STAT1: variants seen among roughly 807,000 people sequenced by gnomAD.
STAT1 encodes signal transducer and activator of transcription 1-alpha/beta.
Under a neutral mutation model 111.7 loss-of-function variants are expected in STAT1, and 24 were observed. The ratio of observed to expected loss-of-function variants is 0.21; its 90% CI spans 0.16 to 0.30. The LOEUF (loss-of-function observed/expected upper bound fraction) is 0.30. Among genes scored for constraint, STAT1 ranks in the 10% least tolerant of loss-of-function variants. The probability of loss-of-function intolerance (pLI) is 1.00; values close to 1 mark genes in which losing one functional copy is unlikely to be tolerated. For synonymous variants in STAT1, 332 were observed against 326.5 expected (o/e 1.02, Z -0.18); for missense variants, 351 against 911.9 (o/e 0.38, Z 7.92).
rs1292291370 is a variant in STAT1, at chr2:191,000,413, T to C, written c.462+661A>G. On this transcript the variant is annotated intron_variant, in intron 6 of 24. Transcript: ENST00000361099. This position sits in a 1 kb window ranked among gnomAD's most constrained non-coding sequence, Gnocchi z 4.8. ...GTCTGAAGCATGTAAGTCAAGGCCA[T>C]ACTGCTATTACCCAGAGATCCACAG... is the stretch of plus-strand genomic sequence containing the variant. Among the ~76,000 whole-genome samples the C allele has an allele frequency of 6.6e-6, 1 of 152,166 alleles. No individual in the cohort carries two copies. The highest frequency in any genetic ancestry group is 1.5e-5 in the Non-Finnish European group (1 of 68,024).
At position 190,989,165 on chromosome 2, in the gene STAT1, G is replaced by C. The variant is rs4853536; in HGVS notation, c.1097+450C>G. ...AGAATCATGGCAGCCTGGACGTTCA[G>C]CCTCGGGTTGGATCAGGGGCCTCTC... is the stretch of plus-strand genomic sequence containing the variant. On this transcript the variant is annotated intron_variant, in intron 12 of 24. Coordinates refer to ENST00000361099, the MANE Select transcript of STAT1 (RefSeq NM_007315.4). The surrounding 1 kb of genome is among the most constrained non-coding windows in gnomAD (Gnocchi z 5.0). Among the ~76,000 whole-genome samples the C allele has an allele frequency of 0.052, 7,917 of 152,332 alleles. 380 individuals carry two copies. Among genetic ancestry groups the C allele is most frequent in the Admixed American group, 0.12 (1,886 of 15,306 alleles).
intron 2 of STAT1, chr2:191,010,301 G>A: frequency 2.1e-6 from 1 of 487,040 alleles, no homozygotes; most frequent in South Asian, 1.6e-5. Flanking sequence ...TCCCACCCTG[G>A]AAACATGCTC....
In STAT1 at chr2:190,969,224, GT is replaced by G. The variant is rs1241131631; in HGVS notation, c.*1478del. ...AATTGTAAAATCAACTGAAACTTAG[GT>G]TCTCGCCATCTATATAAAAACTGAG... On this transcript the variant is annotated 3_prime_UTR_variant, in exon 25 of 25. Transcript: ENST00000361099. 3 of 152,064 alleles carry G rather than the reference GT, an allele frequency of 2.0e-5. No individual in the cohort carries two copies. Among genetic ancestry groups the G allele is most frequent in the Non-Finnish European group, 4.4e-5 (3 of 67,992 alleles). 9.4% of individuals were successfully genotyped at this position (152,064 alleles called of 1,614,324 possible). A position where few individuals can be genotyped will look rare whatever the true frequency, so the allele number is the denominator to read the frequency against.
At position 191,004,000 on chromosome 2, in the gene STAT1, T is replaced by C. The variant is rs1025266707; in HGVS notation, c.373-2837A>G. ...CCCAGCTTCTACATCCCCTTTCTAC[T>C]GACTTGCTGGGAGATGCTTGGTGGA... On this transcript the variant is annotated intron_variant, in intron 5 of 24. Transcript: ENST00000361099. The surrounding 1 kb of genome is among the most constrained non-coding windows in gnomAD (Gnocchi z 4.0). Among the ~76,000 whole-genome samples the C allele has an allele frequency of 2.6e-5, 4 of 152,194 alleles. No homozygotes were observed. The highest frequency in any genetic ancestry group is 5.9e-5 in the Non-Finnish European group (4 of 68,040).
At chr2:191,013,192 G>A (rs1695275497) in intron 2 of STAT1, among the ~76,000 whole-genome samples, 1 of 152,230 alleles carries the variant, frequency 6.6e-6, no homozygotes, top group African/African-American at 2.4e-5. Context: ...TCTCACAAGT[G>A]TGAGTCCAGC....
chr2:191,011,626 T>A, intron 2 of STAT1, among the ~76,000 whole-genome samples: 1 of 152,208 alleles, frequency 6.6e-6, no homozygotes, highest in Middle Eastern at 3.4e-3. Context: ...AATTCCCATG[T>A]GTTAAGGGCG....
chr2:190,998,618 C>T lies in STAT1; in HGVS notation c.542-310G>A, dbSNP rs141186747. Among the ~76,000 whole-genome samples the T allele has an allele frequency of 2.9e-4, 43 of 150,798 alleles. No homozygotes were observed. The East Asian group carries it at 7.2e-3, about 25-fold the overall frequency. On this transcript the variant is annotated intron_variant, in intron 7 of 24. Coordinates refer to ENST00000361099, the MANE Select transcript of STAT1 (RefSeq NM_007315.4). This position sits in a 1 kb window ranked among gnomAD's most constrained non-coding sequence, Gnocchi z 4.1. Reference sequence around the variant, plus strand: ...CGGAGCTTGGAGTGAGCCGAGATCTCGCCACTGCACTCTAGCCTGGGCGAC... The same window carrying T: ...CGGAGCTTGGAGTGAGCCGAGATCTTGCCACTGCACTCTAGCCTGGGCGAC...
chr2:191,009,498 T>C (rs1262001271), intron 3 of STAT1, among the ~76,000 whole-genome samples: 17 of 152,230 alleles, frequency 1.1e-4, no homozygotes, highest in Admixed American at 1.1e-3. Context: ...ACCTTCTTCA[T>C]ATTTCTAATC....
rs1023933437 is a variant in STAT1 at position 190,986,587 on chromosome 2, G to A, written c.1221+267C>T. 6.6e-6 allele frequency among the ~76,000 whole-genome samples: 1 copy of A among 152,214 alleles called. No individual in the cohort carries two copies. The highest frequency in any genetic ancestry group is 2.4e-5 in the African/African-American group (1 of 41,446). ...AGTGACCGTGGGGATCATGCAGGCA[G>A]CAAGTGCAAATCATTTACGTAAACA... On this transcript the variant is annotated intron_variant, in intron 14 of 24. Transcript: ENST00000361099. This position sits in a 1 kb window ranked among gnomAD's most constrained non-coding sequence, Gnocchi z 5.0.
rs1043037945 is a variant in STAT1 at position 190,998,605 on chromosome 2, T to G, written c.542-297A>C. ...TGAACCCGGGAGGCGGAGCTTGGAG[T>G]GAGCCGAGATCTCGCCACTGCACTC... On this transcript the variant is annotated intron_variant, in intron 7 of 24. Transcript: ENST00000361099. This position sits in a 1 kb window ranked among gnomAD's most constrained non-coding sequence, Gnocchi z 4.1. Among the ~76,000 whole-genome samples the G allele has an allele frequency of 2.7e-5, 4 of 150,184 alleles. No individual in the cohort carries two copies. Among genetic ancestry groups the G allele is most frequent in the Admixed American group, 6.6e-5 (1 of 15,054 alleles).
chr2:190,974,726 G>A lies in STAT1; in HGVS notation c.2238+104C>T. The A allele has an allele frequency of 9.6e-7, 1 of 1,038,212 alleles. No homozygotes were observed. The highest frequency in any genetic ancestry group is 1.5e-6 in the Non-Finnish European group (1 of 666,726). The allele number at this position is 1,038,212 out of a possible 1,614,324, so 64.3% of individuals were successfully genotyped here. A position where few individuals can be genotyped will look rare whatever the true frequency, so the allele number is the denominator to read the frequency against. On this transcript the variant is annotated intron_variant, in intron 24 of 24. Transcript: ENST00000361099. The surrounding 1 kb of genome is among the most constrained non-coding windows in gnomAD (Gnocchi z 4.8). ...CACTGCACTCTCCTTGGCTCCGCCAGGGCTCCCTCCCGCAGACAGGCCCGG... is the reference window on the plus strand; with the variant it reads ...CACTGCACTCTCCTTGGCTCCGCCAAGGCTCCCTCCCGCAGACAGGCCCGG...
chr2:190,983,769 T>A lies in STAT1; in HGVS notation c.1348-29A>T, dbSNP rs370882383. 1.3e-6 allele frequency: 2 copies of A among 1,588,466 alleles called. No homozygotes were observed. The highest frequency in any genetic ancestry group is 1.7e-5 in the Admixed American group (1 of 59,988). ...AAGGATGACAAAGACCTTGAAATCA[T>A]CTGAATCACAGAAATGTCACCTTCA... On this transcript the variant is annotated intron_variant, in intron 16 of 24. Transcript: ENST00000361099. The surrounding 1 kb of genome is among the most constrained non-coding windows in gnomAD (Gnocchi z 5.7).
rs1486770650 is a variant in STAT1 at position 190,983,539 on chromosome 2, T to C, written c.1446+103A>G. 4 of 1,002,140 alleles carry C rather than the reference T, an allele frequency of 4.0e-6. No individual in the cohort carries two copies. The East Asian group carries it at 9.5e-5, about 24-fold the overall frequency. 62.1% of individuals were successfully genotyped at this position (1,002,140 alleles called of 1,614,324 possible). A position where few individuals can be genotyped will look rare whatever the true frequency, so the allele number is the denominator to read the frequency against. On this transcript the variant is annotated intron_variant, in intron 17 of 24. Coordinates refer to ENST00000361099, the MANE Select transcript of STAT1 (RefSeq NM_007315.4). This position sits in a 1 kb window ranked among gnomAD's most constrained non-coding sequence, Gnocchi z 5.7. ...AGAAATACCACAGGAGCTTTGTCAC[T>C]TCTCCCTTAACAACTGGCCATTGGG... is the stretch of plus-strand genomic sequence containing the variant.
chr2:190,986,769 A>G lies in STAT1; in HGVS notation c.1221+85T>C, dbSNP rs1692860631. The G allele has an allele frequency of 1.5e-6, 2 of 1,322,400 alleles. No homozygotes were observed. Among genetic ancestry groups the G allele is most frequent in the Admixed American group, 3.4e-5 (2 of 59,520 alleles). The allele number at this position is 1,322,400 out of a possible 1,614,324, so 81.9% of individuals were successfully genotyped here. ...ACCCCAGCAGGGGGGCGTCCTCCAC[A>G]TGGCAATGTGCCAAAAAGGGCTGCT... On this transcript the variant is annotated intron_variant, in intron 14 of 24. Coordinates refer to ENST00000361099, the MANE Select transcript of STAT1 (RefSeq NM_007315.4). The surrounding 1 kb of genome is among the most constrained non-coding windows in gnomAD (Gnocchi z 5.0).
In STAT1 at chr2:191,000,895, CT is replaced by C; in HGVS notation, c.462+178del. Among the ~76,000 whole-genome samples the C allele has an allele frequency of 6.6e-6, 1 of 152,290 alleles. No individual in the cohort carries two copies. Among genetic ancestry groups the C allele is most frequent in the East Asian group, 1.9e-4 (1 of 5,192 alleles). ...AGTTATAAGAGGCCATTCAAAAAGT[CT>C]ATCTGGTCATTGATTTTGCCAATTT... is the stretch of plus-strand genomic sequence containing the variant. On this transcript the variant is annotated intron_variant, in intron 6 of 24. Coordinates refer to ENST00000361099, the MANE Select transcript of STAT1 (RefSeq NM_007315.4). This position sits in a 1 kb window ranked among gnomAD's most constrained non-coding sequence, Gnocchi z 4.8.
intron 2 of STAT1, among the ~76,000 whole-genome samples, chr2:191,013,189 A>G (rs1474118355): frequency 6.6e-6 from 1 of 152,250 alleles, no homozygotes. Flanking sequence ...TGATCTCACA[A>G]GTGTGAGTCC....
intron 3 of STAT1, 145 bp from the exon 4 acceptor site, chr2:191,009,252 T>C (rs1694945426): frequency 1.8e-6 from 2 of 1,083,180 alleles, no homozygotes; most frequent in East Asian, 2.6e-5. Context: ...GAAACTGACA[T>C]TGCTTTTAGC....
At position 190,979,916 on chromosome 2, in the gene STAT1, C is replaced by G. The variant is rs749855830; in HGVS notation, c.1633-50G>C. Reference sequence around the variant, plus strand: ...TATGAACAAAAATCTAAAACAATGACTTACCATGGCCCCTCCCACCATCAT... The same window carrying G: ...TATGAACAAAAATCTAAAACAATGAGTTACCATGGCCCCTCCCACCATCAT... On this transcript the variant is annotated intron_variant, in intron 19 of 24. Transcript: ENST00000361099. This position sits in a 1 kb window ranked among gnomAD's most constrained non-coding sequence, Gnocchi z 5.8. 3 of 1,253,330 alleles carry G rather than the reference C, an allele frequency of 2.4e-6. No individual in the cohort carries two copies. In the South Asian group the frequency reaches 3.6e-5, roughly 15 times the overall value. The allele number at this position is 1,253,330 out of a possible 1,614,324, so 77.6% of individuals were successfully genotyped here.
At position 190,989,536 on chromosome 2, in the gene STAT1, G is replaced by A; in HGVS notation, c.1097+79C>T. The A allele has an allele frequency of 4.1e-6, 4 of 978,000 alleles. No individual in the cohort carries two copies. The highest frequency in any genetic ancestry group is 4.7e-6 in the Non-Finnish European group (3 of 641,346). 60.6% of individuals were successfully genotyped at this position (978,000 alleles called of 1,614,324 possible). A position where few individuals can be genotyped will look rare whatever the true frequency, so the allele number is the denominator to read the frequency against. ...CCACAGCTAGAAATCTGCTTATTTA[G>A]TGGAGGAATCTGTGCTTGAGTAACA... is the stretch of plus-strand genomic sequence containing the variant. On this transcript the variant is annotated intron_variant, in intron 12 of 24. Coordinates refer to ENST00000361099, the MANE Select transcript of STAT1 (RefSeq NM_007315.4). The surrounding 1 kb of genome is among the most constrained non-coding windows in gnomAD (Gnocchi z 5.0).
Sources: allele counts gnomAD v4.1 joint callset (sites outside exome capture counted in the v4.1 genomes callset), GRCh38; gene constraint gnomAD v4.1.1; non-coding constraint Gnocchi (gnomAD v3.1); transcripts MANE v1.5; gene names NCBI Gene and HGNC (gene_info 2026-07-23, HGNC 2026-07-21).